GRTP1: variants seen among roughly 807,000 people sequenced by gnomAD.
The protein encoded by GRTP1 is growth hormone regulated TBC protein 1.
In GRTP1, 56 loss-of-function variants were observed where a neutral mutation model predicts 38.1. The observed-to-expected ratio is 1.47, with a 90% CI of 1.19 to 1.84. GRTP1 has a LOEUF of 1.84. Among genes scored for constraint, GRTP1 ranks in the 40% most tolerant of loss-of-function variants. The pLI, the probability that GRTP1 is intolerant of heterozygous loss-of-function variation, is 0.00. For missense variants in GRTP1, 506 were observed against 453.9 expected, an observed-to-expected ratio of 1.11 and a Z score of -1.04; for synonymous variants, 217 against 189.5, an observed-to-expected ratio of 1.14 and a Z score of -1.19.
intron 5 of GRTP1, among the ~76,000 whole-genome samples, chr13:113,329,071 G>T (rs117668767): frequency 0.032 from 4,838 of 152,356 alleles, 120 homozygotes; most frequent in East Asian, 0.15. Flanking sequence ...CGATCCGGGT[G>T]CTCTCCAGGG....
At position 113,342,764 on chromosome 13, in the gene GRTP1, G is replaced by A. The variant is rs570393252; in HGVS notation, c.562+2099C>T. 2.6e-5 allele frequency among the ~76,000 whole-genome samples: 4 copies of A among 152,242 alleles called. No individual in the cohort carries two copies. The highest frequency in any genetic ancestry group is 7.2e-5 in the African/African-American group (3 of 41,540). ...CCGCTGGGAGAGCTCTGCCGGGATC[G>A]GAATAACCCCCTTTTCCTCCCATGA... On this transcript the variant is annotated intron_variant, in intron 5 of 7. Transcript: ENST00000375431. This position sits in a 1 kb window ranked among gnomAD's most constrained non-coding sequence, Gnocchi z 4.5.
intron 2 of GRTP1, chr13:113,360,387 G>A (rs763181463): frequency 2.0e-5 from 3 of 152,170 alleles, no homozygotes; most frequent in Non-Finnish European, 2.9e-5. Context: ...GCTGAGATTG[G>A]TAGATGATTG....
intron 2 of GRTP1, among the ~76,000 whole-genome samples, chr13:113,356,880 T>C (rs1403853434): frequency 3.9e-5 from 6 of 152,206 alleles, no homozygotes; most frequent in Non-Finnish European, 2.9e-5. Flanking sequence ...GTCTGTCCAC[T>C]GGGCCTCCCA....
Position 113,324,587 on chromosome 13 carries a change from A to AAACAGTTAGTTTAAAAACAAACCC in GRTP1, c.922-34_922-11dup, listed in dbSNP as rs1233192271. Reference sequence around the variant, plus strand: ...GTTCTGAAAATATTTTCTGGAAGGCAAACAGTTAGTTTAAAAACAAACCCA... The same window carrying AAACAGTTAGTTTAAAAACAAACCC: ...GTTCTGAAAATATTTTCTGGAAGGCAAACAGTTAGTTTAAAAACAAACCCAACAGTTAGTTTAAAAACAAACCCA... On this transcript the variant is annotated splice_polypyrimidine_tract_variant and intron_variant, in intron 7 of 7. Coordinates refer to ENST00000375431, the MANE Select transcript of GRTP1 (RefSeq NM_024719.4). 1 of 1,596,320 alleles carries AAACAGTTAGTTTAAAAACAAACCC rather than the reference A, an allele frequency of 6.3e-7. No homozygotes were observed. Among genetic ancestry groups the AAACAGTTAGTTTAAAAACAAACCC allele is most frequent in the Non-Finnish European group, 8.5e-7 (1 of 1,171,612 alleles).
At chr13:113,346,252 CCGAGAGCAGATCCGGGAGGACCTCTGTGG>C (rs2043127244) in intron 4 of GRTP1, among the ~76,000 whole-genome samples, 1 of 81,206 alleles carries the variant, frequency 1.2e-5, no homozygotes, top group Non-Finnish European at 2.5e-5. Context: ...ACCTCTGTGG[CCGAGAGCAGATCCGGGAGGACCTCTGTGG>C]CTGAGCGGAT....
At chr13:113,346,017 T>A (rs1354673400) in intron 4 of GRTP1, among the ~76,000 whole-genome samples, 8 of 86,858 alleles carry the variant, frequency 9.2e-5, no homozygotes, top group South Asian at 4.3e-4. Context: ...CCTCTGCGGC[T>A]GAGCAGACCT....
In GRTP1 at chr13:113,324,288, A is replaced by G. The variant is rs1047657062; in HGVS notation, c.*200T>C. ...AGGTAAAAATAAGTTTTCTTTAAAA[A>G]GTATGACTTCATAGCTAATCATCAA... On this transcript the variant is annotated 3_prime_UTR_variant, in exon 8 of 8. Coordinates refer to ENST00000375431, the MANE Select transcript of GRTP1 (RefSeq NM_024719.4). 3.2e-5 allele frequency: 22 copies of G among 692,244 alleles called. No individual in the cohort carries two copies. Among genetic ancestry groups the G allele is most frequent in the Non-Finnish European group, 4.4e-5 (21 of 482,370 alleles). 42.9% of individuals were successfully genotyped at this position (692,244 alleles called of 1,614,324 possible). A position where few individuals can be genotyped will look rare whatever the true frequency, so the allele number is the denominator to read the frequency against.
intron 5 of GRTP1, among the ~76,000 whole-genome samples, chr13:113,330,272 C>T (rs573039047): frequency 7.2e-6 from 1 of 138,166 alleles, no homozygotes; most frequent in South Asian, 2.4e-4. Flanking sequence ...TGCATGGGAG[C>T]CCAGGTGTGT....
At chr13:113,347,454 A>G (rs77152180) in intron 4 of GRTP1, among the ~76,000 whole-genome samples, 5,951 of 42,228 alleles carry the variant, frequency 0.14, 2 homozygotes, top group East Asian at 0.36. Flanking sequence ...GAGCAGACCC[A>G]GGAGGATCTC....
intron 7 of GRTP1, chr13:113,325,434 G>A: frequency 6.9e-7 from 1 of 1,443,792 alleles, no homozygotes; most frequent in Non-Finnish European, 9.0e-7. Context: ...AGGACCAGGA[G>A]CAGCGTCCGC....
intron 4 of GRTP1, among the ~76,000 whole-genome samples, chr13:113,347,448 A>AGTG (rs2043171783): frequency 1.0e-5 from 1 of 96,274 alleles, no homozygotes; most frequent in Non-Finnish European, 2.0e-5. Flanking sequence ...GGCTGAGAGC[A>AGTG]GACCCAGGAG....
chr13:113,361,270 A>C (rs543176256), intron 2 of GRTP1, among the ~76,000 whole-genome samples: 1 of 150,606 alleles, frequency 6.6e-6, no homozygotes, highest in East Asian at 1.9e-4. Context: ...AAATAATTGC[A>C]AAGGAGTGGG....
intron 5 of GRTP1, chr13:113,339,342 A>G (rs1171676746): frequency 2.6e-5 from 4 of 152,156 alleles, no homozygotes; most frequent in Non-Finnish European, 5.9e-5. Context: ...CTCTTACCAA[A>G]ATTAGTTTTT....
chr13:113,344,574 G>A (rs1442754123), intron 5 of GRTP1, among the ~76,000 whole-genome samples: 1 of 152,024 alleles, frequency 6.6e-6, no homozygotes. Context: ...TTAGCCGGGT[G>A]TGGTGGCACA....
intron 5 of GRTP1, among the ~76,000 whole-genome samples, chr13:113,344,067 G>C (rs1030507992): frequency 6.6e-6 from 1 of 152,132 alleles, no homozygotes; most frequent in African/African-American, 2.4e-5. Flanking sequence ...GAAAAGAATG[G>C]TTTTCACCTT....
At chr13:113,334,974 C>T (rs1176357596) in intron 5 of GRTP1, among the ~76,000 whole-genome samples, 2 of 151,932 alleles carry the variant, frequency 1.3e-5, no homozygotes, top group Admixed American at 1.3e-4. Flanking sequence ...AGGTGCCCGC[C>T]ACCACGCCCG....
At position 113,324,235 on chromosome 13, in the gene GRTP1, C is replaced by G; in HGVS notation, c.*253G>C. The G allele has an allele frequency of 4.5e-6, 2 of 443,834 alleles. No individual in the cohort carries two copies. Among genetic ancestry groups the G allele is most frequent in the Non-Finnish European group, 7.6e-6 (2 of 264,052 alleles). The allele number at this position is 443,834 out of a possible 1,614,324, so 27.5% of individuals were successfully genotyped here. On this transcript the variant is annotated 3_prime_UTR_variant, in exon 8 of 8. Coordinates refer to ENST00000375431, the MANE Select transcript of GRTP1 (RefSeq NM_024719.4). The stretch of plus-strand genomic sequence containing the variant: ...ATACTTTATTAGATACAAACCCACA[C>G]TCACATTTTATATATTATTGATCTC...
Position 113,325,717 on chromosome 13 carries a change from T to A in GRTP1, c.865A>T (p.Lys289Ter). Reference sequence around the variant, plus strand: ...CTCCCTTTGGTTATCTGCTTAAACTTATCGCAAATGTCTGGAACGCTGGTG... The same window carrying A: ...CTCCCTTTGGTTATCTGCTTAAACTAATCGCAAATGTCTGGAACGCTGGTG... ...EATSVPDICD[K>*]FKQITKGSFV... Residue 289 changes from lysine (K) to a stop codon, truncating the protein, a stop_gained, in exon 7 of 8, where the codon AAG becomes TAG. Transcript: ENST00000375431. LOFTEE classifies it high-confidence loss of function. 1 of 1,614,112 alleles carries A rather than the reference T, an allele frequency of 6.2e-7. No homozygotes were observed. Among genetic ancestry groups the A allele is most frequent in the Non-Finnish European group, 8.5e-7 (1 of 1,179,976 alleles).
chr13:113,330,523 C>T (rs113339643), intron 5 of GRTP1, among the ~76,000 whole-genome samples: 6 of 124,896 alleles, frequency 4.8e-5, no homozygotes, highest in African/African-American at 9.4e-5. Flanking sequence ...CAGGTGTGTG[C>T]ATGGAAACCC....
Sources: gnomAD v4.1 joint callset for allele counts (sites outside exome capture counted in the v4.1 genomes callset) on GRCh38, gnomAD v4.1.1 for gene constraint, Gnocchi (gnomAD v3.1) non-coding constraint, MANE v1.5 for transcripts, NCBI Gene and HGNC (gene_info 2026-07-23, HGNC 2026-07-21) for gene names.